The following SLC9A1 variants were observed in gnomAD, a reference collection of about 807,000 sequenced individuals.
SLC9A1 encodes sodium/hydrogen exchanger 1.
SLC9A1 carries 22 observed loss-of-function variants against 67.9 expected under a neutral mutation model. The ratio of observed to expected loss-of-function variants is 0.32; its 90% CI spans 0.23 to 0.46. The LOEUF (loss-of-function observed/expected upper bound fraction) is 0.46, where lower values mean the gene tolerates loss of function less well. Among genes scored for constraint, SLC9A1 ranks in the 20% least tolerant of loss-of-function variants. The pLI, the probability that SLC9A1 is intolerant of heterozygous loss-of-function variation, is 1.00. For missense variants in SLC9A1, 686 were observed against 1,094.8 expected, an observed-to-expected ratio of 0.63 and a Z score of 5.27; for synonymous variants, 421 against 471.8, an observed-to-expected ratio of 0.89 and a Z score of 1.40.
In SLC9A1 at chr1:27,154,907, G is replaced by T. The variant is rs2083555921; in HGVS notation, c.-573C>A. On this transcript the variant is annotated 5_prime_UTR_variant, in exon 1 of 12. Coordinates refer to ENST00000263980, the MANE Select transcript of SLC9A1 (RefSeq NM_003047.5). ...CAGAGAGGGGCAGGGGTCCAGGCGC[G>T]CCGGGCTGAGATTCCGGGGAAATGG... The T allele has an allele frequency of 6.6e-6, 1 of 152,326 alleles. No homozygotes were observed. The highest frequency in any genetic ancestry group is 1.5e-5 in the Non-Finnish European group (1 of 68,150). 9.4% of individuals were successfully genotyped at this position (152,326 alleles called of 1,614,324 possible).
chr1:27,117,188 G>C (rs1008897723), intron 1 of SLC9A1, among the ~76,000 whole-genome samples: 1 of 152,076 alleles, frequency 6.6e-6, no homozygotes, highest in African/African-American at 2.4e-5. Flanking sequence ...TGTGCTGGAG[G>C]GGAGACAGGC....
At position 27,109,433 on chromosome 1, in the gene SLC9A1, TG is replaced by T; in HGVS notation, c.1064+93del. On this transcript the variant is annotated intron_variant, in intron 3 of 11. Coordinates refer to ENST00000263980, the MANE Select transcript of SLC9A1 (RefSeq NM_003047.5). The surrounding 1 kb of genome is among the most constrained non-coding windows in gnomAD (Gnocchi z 5.5). ...ATCCCTGGAGCTCAAGGCTGGGCCCTGGGAGCTCCGTGAACCTACGAGCCTG... is the reference window on the plus strand; with the variant it reads ...ATCCCTGGAGCTCAAGGCTGGGCCCTGGAGCTCCGTGAACCTACGAGCCTG... The T allele has an allele frequency of 7.3e-7, 1 of 1,372,660 alleles. No homozygotes were observed. The highest frequency in any genetic ancestry group is 1.0e-6 in the Non-Finnish European group (1 of 985,438). 85.0% of individuals were successfully genotyped at this position (1,372,660 alleles called of 1,614,324 possible). A position where few individuals can be genotyped will look rare whatever the true frequency, so the allele number is the denominator to read the frequency against.
chr1:27,147,087 T>C (rs6683113), intron 1 of SLC9A1, among the ~76,000 whole-genome samples: 47,052 of 151,106 alleles, frequency 0.31, 7,714 homozygotes, highest in Non-Finnish European at 0.36. Context: ...GCCTGGCCAA[T>C]ATGGTGAAAC....
Position 27,137,287 on chromosome 1 carries a change from T to G in SLC9A1, c.352+16696A>C, listed in dbSNP as rs896212425. Among the ~76,000 whole-genome samples the G allele has an allele frequency of 6.6e-6, 1 of 152,322 alleles. No individual in the cohort carries two copies. Among genetic ancestry groups the G allele is most frequent in the South Asian group, 2.1e-4 (1 of 4,826 alleles). On this transcript the variant is annotated intron_variant, in intron 1 of 11. Transcript: ENST00000263980. The surrounding 1 kb of genome is among the most constrained non-coding windows in gnomAD (Gnocchi z 4.6). ...ACGATGTGGGAAGAAGGACCACTTA[T>G]AGCATCACAGGAGAGCCTGGACTAG...
At chr1:27,103,542 A>C in intron 5 of SLC9A1, 9 of 551,864 alleles carry the variant, frequency 1.6e-5, no homozygotes, top group Non-Finnish European at 2.3e-5. Flanking sequence ...CTGCCAAATG[A>C]CCCCCACACT....
chr1:27,139,543 T>C (rs932933551), intron 1 of SLC9A1, among the ~76,000 whole-genome samples: 9 of 151,374 alleles, frequency 5.9e-5, no homozygotes, highest in Non-Finnish European at 1.2e-4. Flanking sequence ...AAGTGGTAGG[T>C]AGCTCTGTCC....
chr1:27,132,927 G>A lies in SLC9A1; in HGVS notation c.353-18641C>T, dbSNP rs536385731. 1.1e-3 allele frequency among the ~76,000 whole-genome samples: 165 copies of A among 152,334 alleles called. 1 individual carries two copies. The highest frequency in any genetic ancestry group is 3.8e-3 in the African/African-American group (158 of 41,570). On this transcript the variant is annotated intron_variant, in intron 1 of 11. Transcript: ENST00000263980. Reference sequence around the variant, plus strand: ...TGCCTGGTACCTGGTACTGCACTGTGACGTGGTAGCTAAACACCCGGGAGA... The same window carrying A: ...TGCCTGGTACCTGGTACTGCACTGTAACGTGGTAGCTAAACACCCGGGAGA...
chr1:27,108,843 C>T (rs1217576982), intron 3 of SLC9A1, among the ~76,000 whole-genome samples: 4 of 152,314 alleles, frequency 2.6e-5, no homozygotes, highest in Admixed American at 2.6e-4. Context: ...GACACAGACC[C>T]ATGGTCTCCT....
chr1:27,149,749 T>C (rs1186519762), intron 1 of SLC9A1, among the ~76,000 whole-genome samples: 1 of 152,222 alleles, frequency 6.6e-6, no homozygotes, highest in African/African-American at 2.4e-5. Flanking sequence ...TCAAGGTTCA[T>C]GGTCACACAG....
rs1384052161 is a variant in SLC9A1 at position 27,101,534 on chromosome 1, A to C, written c.2037+191T>G. Reference sequence around the variant, plus strand: ...TTCCTCTGTCCCCTGCCACTGCCCTAACCCAGGCCATGCCCCACAACCCCA... The same window carrying C: ...TTCCTCTGTCCCCTGCCACTGCCCTCACCCAGGCCATGCCCCACAACCCCA... On this transcript the variant is annotated intron_variant, in intron 10 of 11. Transcript: ENST00000263980. The surrounding 1 kb of genome is among the most constrained non-coding windows in gnomAD (Gnocchi z 4.9). Among the ~76,000 whole-genome samples the C allele has an allele frequency of 2.0e-5, 3 of 152,128 alleles. No individual in the cohort carries two copies. Among genetic ancestry groups the C allele is most frequent in the African/African-American group, 7.2e-5 (3 of 41,444 alleles).
At position 27,106,820 on chromosome 1, in the gene SLC9A1, G is replaced by C. The variant is rs1409428387; in HGVS notation, c.1283-733C>G. Among the ~76,000 whole-genome samples, 2 of 151,994 alleles carry C rather than the reference G, an allele frequency of 1.3e-5. No homozygotes were observed. The highest frequency in any genetic ancestry group is 4.8e-5 in the African/African-American group (2 of 41,352). On this transcript the variant is annotated intron_variant, in intron 4 of 11. Coordinates refer to ENST00000263980, the MANE Select transcript of SLC9A1 (RefSeq NM_003047.5). The surrounding 1 kb of genome is among the most constrained non-coding windows in gnomAD (Gnocchi z 4.3). Reference sequence around the variant, plus strand: ...GTCACCTGTCTTGAGACAGTGCAGAGAGCACTCAGCTCAGAGTCACAGACC... The same window carrying C: ...GTCACCTGTCTTGAGACAGTGCAGACAGCACTCAGCTCAGAGTCACAGACC...
intron 1 of SLC9A1, among the ~76,000 whole-genome samples, chr1:27,146,954 G>A (rs954040775): frequency 6.6e-5 from 10 of 152,028 alleles, no homozygotes; most frequent in African/African-American, 2.2e-4. Context: ...TGGCCAACAT[G>A]GCGAAAACCC....
chr1:27,136,519 G>A (rs540454839), intron 1 of SLC9A1, among the ~76,000 whole-genome samples: 3 of 138,818 alleles, frequency 2.2e-5, no homozygotes, highest in South Asian at 2.3e-4. Flanking sequence ...CTCCTCAACC[G>A]AGGATAAGAC....
intron 5 of SLC9A1, among the ~76,000 whole-genome samples, chr1:27,104,322 T>A (rs1437671045): frequency 6.6e-6 from 1 of 152,190 alleles, no homozygotes; most frequent in African/African-American, 2.4e-5. Context: ...CCTCAGGCGA[T>A]CCGCCTGCCT....
At chr1:27,144,791 C>T (rs1299199104) in intron 1 of SLC9A1, among the ~76,000 whole-genome samples, 6 of 152,158 alleles carry the variant, frequency 3.9e-5, no homozygotes, top group Non-Finnish European at 8.8e-5. Context: ...GGTGGATCAC[C>T]TGAGGTCAGG....
In SLC9A1 at chr1:27,155,056, G is replaced by A. The variant is rs969655080; in HGVS notation, c.-722C>T. On this transcript the variant is annotated 5_prime_UTR_variant, in exon 1 of 12. Transcript: ENST00000263980. This position sits in a 1 kb window ranked among gnomAD's most constrained non-coding sequence, Gnocchi z 4.5. The stretch of plus-strand genomic sequence containing the variant: ...CTGGCGCGACGCGGCGCTCCGCCCC[G>A]GCCCAGCTGCAGCTCCTCCTGGTCC... 1 of 152,486 alleles carries A rather than the reference G, an allele frequency of 6.6e-6. No individual in the cohort carries two copies. Among genetic ancestry groups the A allele is most frequent in the Non-Finnish European group, 1.5e-5 (1 of 68,396 alleles). The allele number at this position is 152,486 out of a possible 1,614,324, so 9.4% of individuals were successfully genotyped here. A position where few individuals can be genotyped will look rare whatever the true frequency, so the allele number is the denominator to read the frequency against.
Position 27,139,797 on chromosome 1 carries a change from GTTT to G in SLC9A1, c.352+14183_352+14185del, listed in dbSNP as rs539350944. Among the ~76,000 whole-genome samples the G allele has an allele frequency of 2.9e-3, 391 of 133,872 alleles. 4 individuals carry two copies. Among genetic ancestry groups the G allele is most frequent in the African/African-American group, 9.5e-3 (348 of 36,658 alleles). 87.8% of individuals were successfully genotyped at this position (133,872 alleles called of 152,430 possible). A position where few individuals can be genotyped will look rare whatever the true frequency, so the allele number is the denominator to read the frequency against. On this transcript the variant is annotated intron_variant, in intron 1 of 11. Transcript: ENST00000263980. Reference sequence around the variant, plus strand: ...TCTATGTGAGCTAAGCACACTCATTGTTTTTTTTTTTTTTTGAAACAGAGTTTC... The same window carrying G: ...TCTATGTGAGCTAAGCACACTCATTGTTTTTTTTTTTTGAAACAGAGTTTC...
intron 4 of SLC9A1, among the ~76,000 whole-genome samples, chr1:27,107,219 C>CCA (rs2083193086): frequency 3.4e-4 from 2 of 5,968 alleles, no homozygotes; most frequent in Non-Finnish European, 4.0e-4. Flanking sequence ...CCCAGCCCCT[C>CCA]TACACACACC....
At chr1:27,141,667 T>C (rs985133706) in intron 1 of SLC9A1, among the ~76,000 whole-genome samples, 2 of 152,228 alleles carry the variant, frequency 1.3e-5, no homozygotes, top group Non-Finnish European at 2.9e-5. Flanking sequence ...GCAGTTCTCA[T>C]GCATCTCTGC....
Sources: allele counts gnomAD v4.1 joint callset (sites outside exome capture counted in the v4.1 genomes callset), GRCh38; gene constraint gnomAD v4.1.1; non-coding constraint Gnocchi (gnomAD v3.1); transcripts MANE v1.5; gene names NCBI Gene and HGNC (gene_info 2026-07-23, HGNC 2026-07-21).